Variants in NOTUM observed in about 807,000 individuals in gnomAD.
NOTUM encodes palmitoleoyl-protein carboxylesterase NOTUM.
Under a neutral mutation model 65.5 loss-of-function variants are expected in NOTUM, and 36 were observed. The ratio of observed to expected loss-of-function variants is 0.55; its 90% CI spans 0.42 to 0.73. NOTUM has a LOEUF of 0.73. NOTUM is among the 30% of genes least tolerant of loss of function. NOTUM has a pLI of 0.00. For synonymous variants in NOTUM, 356 were observed against 297.9 expected (o/e 1.20, Z -2.01); for missense variants, 659 against 694.2 (o/e 0.95, Z 0.57).
chr17:81,958,615 G>A (rs2041450982), intron 4 of NOTUM, among the ~76,000 whole-genome samples: 1 of 149,494 alleles, frequency 6.7e-6, no homozygotes, highest in African/African-American at 2.5e-5. Context: ...ACCAACTCAG[G>A]ACAGGACCCC....
At chr17:81,959,993 G>A (rs972346897) in intron 1 of NOTUM, among the ~76,000 whole-genome samples, 8 of 151,888 alleles carry the variant, frequency 5.3e-5, no homozygotes, top group African/African-American at 1.9e-4. Context: ...GCGCGCGGCG[G>A]CGCTTGAAGC....
In NOTUM at chr17:81,957,167, G is replaced by A. The variant is rs2041439949; in HGVS notation, c.696-93C>T. On this transcript the variant is annotated intron_variant, in intron 6 of 10. Transcript: ENST00000409678. ...AGCGTCAGCCCGTGCCCCGAGGGGGGCAGGAGTCCTGATGCGTTCTGAACT... is the reference window on the plus strand; with the variant it reads ...AGCGTCAGCCCGTGCCCCGAGGGGGACAGGAGTCCTGATGCGTTCTGAACT... 7 of 1,044,070 alleles carry A rather than the reference G, an allele frequency of 6.7e-6. No individual in the cohort carries two copies. In the Admixed American group the frequency reaches 1.4e-4, roughly 21 times the overall value. The allele number at this position is 1,044,070 out of a possible 1,614,324, so 64.7% of individuals were successfully genotyped here.
In NOTUM at chr17:81,959,632, G is replaced by A. The variant is rs1181144805; in HGVS notation, c.376+8C>T. ...CCCGGCCTCCCCCCGCCTCAGCCCT[G>A]GACGCACCTTCCAGGAAGAGGAGCC... is the stretch of plus-strand genomic sequence containing the variant. On this transcript the variant is annotated splice_region_variant and intron_variant, in intron 2 of 10. Transcript: ENST00000409678. 1.2e-5 allele frequency: 19 copies of A among 1,545,072 alleles called. No homozygotes were observed. Among genetic ancestry groups the A allele is most frequent in the Non-Finnish European group, 1.7e-5 (19 of 1,145,070 alleles).
Position 81,958,996 on chromosome 17 carries a change from C to T in NOTUM, c.473-1G>A, listed in dbSNP as rs2143947752. ...GGCTGTGAGGACAGGATCCCTGTGC[C>T]TGGGGACACAGAGGCGGTGGGTCTT... On this transcript the variant is annotated splice_acceptor_variant, in intron 3 of 10. Coordinates refer to ENST00000409678, the MANE Select transcript of NOTUM (RefSeq NM_178493.6). LOFTEE classifies it high-confidence loss of function. The T allele has an allele frequency of 1.2e-6, 2 of 1,612,748 alleles. No individual in the cohort carries two copies. Among genetic ancestry groups the T allele is most frequent in the Admixed American group, 1.7e-5 (1 of 60,018 alleles).
Position 81,960,846 on chromosome 17 carries a change from C to G in NOTUM, c.64G>C (p.Gly22Arg), listed in dbSNP as rs1478352348. Reference sequence around the variant, plus strand: ...CCCCGGCGCCGCCAGGTCTTCCTGCCCTCGCTGCCCCCGGCGCAGTGCAGC... The same window carrying G: ...CCCCGGCGCCGCCAGGTCTTCCTGCGCTCGCTGCCCCCGGCGCAGTGCAGC... ...SLLHCAGGSE[G>R]RKTWRRRGQQ... Residue 22 changes from glycine (G) to arginine (R), a missense_variant, in exon 1 of 11, where the codon GGC becomes CGC. Coordinates refer to ENST00000409678, the MANE Select transcript of NOTUM (RefSeq NM_178493.6). This position sits in a 1 kb window ranked among gnomAD's most constrained non-coding sequence, Gnocchi z 6.4. 6.7e-7 allele frequency: 1 copy of G among 1,499,378 alleles called. No individual in the cohort carries two copies. The highest frequency in any genetic ancestry group is 8.9e-7 in the Non-Finnish European group (1 of 1,128,450). 92.9% of individuals were successfully genotyped at this position (1,499,378 alleles called of 1,614,324 possible).
Position 81,960,493 on chromosome 17 carries a change from C to T in NOTUM, c.323+94G>A. ...GGGGCGCCCGACGGAAGCCCTTTCT[C>T]CCCGGGGAGAGAACGGCCGCGGCCC... is the stretch of plus-strand genomic sequence containing the variant. On this transcript the variant is annotated intron_variant, in intron 1 of 10. Coordinates refer to ENST00000409678, the MANE Select transcript of NOTUM (RefSeq NM_178493.6). This position sits in a 1 kb window ranked among gnomAD's most constrained non-coding sequence, Gnocchi z 6.4. 3 of 920,402 alleles carry T rather than the reference C, an allele frequency of 3.3e-6. No homozygotes were observed. The highest frequency in any genetic ancestry group is 4.6e-6 in the Non-Finnish European group (3 of 646,926). The allele number at this position is 920,402 out of a possible 1,614,324, so 57.0% of individuals were successfully genotyped here.
chr17:81,956,663 G>A lies in NOTUM; in HGVS notation c.975C>T (p.Tyr325=). The change falls in exon 8 of 11, where the codon TAC becomes TAT. Residue 325 remains tyrosine, a synonymous_variant. Coordinates refer to ENST00000409678, the MANE Select transcript of NOTUM (RefSeq NM_178493.6). ...CCGCCCACTCACAGCGCAGGGTCGG[G>A]TAGACCTTGTAGCCAAAGAAGCAGT... is the stretch of plus-strand genomic sequence containing the variant. ...EWNCFFGYKV[Y]PTLRCPVFVV... is the part of the protein sequence containing the mutation. The A allele has an allele frequency of 2.5e-6, 4 of 1,611,528 alleles. No homozygotes were observed. Among genetic ancestry groups the A allele is most frequent in the Non-Finnish European group, 3.4e-6 (4 of 1,178,606 alleles).
chr17:81,961,144 G>C lies in NOTUM; in HGVS notation c.-235C>G, dbSNP rs1217169825. The C allele has an allele frequency of 6.7e-6, 1 of 150,096 alleles. No homozygotes were observed. Among genetic ancestry groups the C allele is most frequent in the Non-Finnish European group, 1.5e-5 (1 of 68,038 alleles). The allele number at this position is 150,096 out of a possible 1,614,324, so 9.3% of individuals were successfully genotyped here. A position where few individuals can be genotyped will look rare whatever the true frequency, so the allele number is the denominator to read the frequency against. On this transcript the variant is annotated 5_prime_UTR_variant, in exon 1 of 11. Transcript: ENST00000409678. ...TGGGGCTCCGCGCCCGGCCGTCCGA[G>C]GGCAGCGCAGGGTCTGGGTGCGCTG...
intron 1 of NOTUM, chr17:81,959,903 C>T (rs2041461352): frequency 1.0e-5 from 2 of 194,180 alleles, no homozygotes; most frequent in Non-Finnish European, 1.0e-5. Context: ...CCGCGCGGGG[C>T]TGTGGTCCGT....
At position 81,960,939 on chromosome 17, in the gene NOTUM, C is replaced by T. The variant is rs933667713; in HGVS notation, c.-30G>A. ...GCGTCCACCTGCGGGGAGCGGGCGG[C>T]CTTGAGGCGGCGGCGGCGGCGGCGG... On this transcript the variant is annotated 5_prime_UTR_variant, in exon 1 of 11. Transcript: ENST00000409678. The surrounding 1 kb of genome is among the most constrained non-coding windows in gnomAD (Gnocchi z 6.4). The T allele has an allele frequency of 2.5e-6, 3 of 1,198,856 alleles. No homozygotes were observed. The African/African-American group carries it at 4.8e-5, about 19-fold the overall frequency. 74.3% of individuals were successfully genotyped at this position (1,198,856 alleles called of 1,614,324 possible). A position where few individuals can be genotyped will look rare whatever the true frequency, so the allele number is the denominator to read the frequency against.
chr17:81,958,925 GC>G lies in NOTUM; in HGVS notation c.533+9del. 1 of 1,608,916 alleles carries G rather than the reference GC, an allele frequency of 6.2e-7. No individual in the cohort carries two copies. On this transcript the variant is annotated intron_variant, in intron 4 of 10. Transcript: ENST00000409678. ...GCAGGACTCCCAGGCAAGACCCTGT[GC>G]CCCCTTACACCATGTTTGCGTTCCA...
Position 81,953,254 on chromosome 17 carries a change from C to A in NOTUM, c.1198G>T (p.Val400Phe). ...GGCAGCGACGTCCCCTTCACCTGGACATCCGTCCAGTGGCTGCAGAGGAAA... is the reference window on the plus strand; with the variant it reads ...GGCAGCGACGTCCCCTTCACCTGGAAATCCGTCCAGTGGCTGCAGAGGAAA... Reference protein sequence around the residue: ...EIIIRSHWTDVQVKGTSLPRA... With the variant: ...EIIIRSHWTDFQVKGTSLPRA... The change falls in exon 11 of 11, where the codon GTC becomes TTC. Residue 400 changes from valine (V) to phenylalanine (F), a missense_variant. Val to Phe is a conservative substitution (Grantham distance 50, BLOSUM62 -1). Coordinates refer to ENST00000409678, the MANE Select transcript of NOTUM (RefSeq NM_178493.6). 1 of 1,607,754 alleles carries A rather than the reference C, an allele frequency of 6.2e-7. No individual in the cohort carries two copies. The highest frequency in any genetic ancestry group is 8.5e-7 in the Non-Finnish European group (1 of 1,178,060).
chr17:81,955,730 GC>G (rs1206273716), intron 8 of NOTUM, among the ~76,000 whole-genome samples, 186 bp from the exon 9 acceptor site: 2 of 90,584 alleles, frequency 2.2e-5, no homozygotes, highest in East Asian at 3.2e-4. Flanking sequence ...CCCCTGCAGT[GC>G]CCCCCACCCC....
chr17:81,958,904 G>A, intron 4 of NOTUM, 31 bp downstream of exon 4: 1 of 1,569,106 alleles, frequency 6.4e-7, no homozygotes, highest in Non-Finnish European at 8.8e-7. Flanking sequence ...CTCCAGGCAG[G>A]ACTCCCAGGC....
chr17:81,955,483 G>A lies in NOTUM; in HGVS notation c.1050C>T (p.His350=), dbSNP rs1056471004. 6.2e-7 allele frequency: 1 copy of A among 1,611,276 alleles called. No individual in the cohort carries two copies. The highest frequency in any genetic ancestry group is 1.3e-5 in the African/African-American group (1 of 74,948). The change falls in exon 9 of 11, where the codon CAC becomes CAT. Residue 350 remains histidine (H), a synonymous_variant. Transcript: ENST00000409678. The part of the protein sequence containing the change: ...DEAQLTVDNV[H]LTGQPVQEGL... ...CCTCCTGCACCGGCTGCCCCGTCAG[G>A]TGCACGTTGTCCACCGTCAGCTGTG...
intron 8 of NOTUM, 128 bp from the exon 9 acceptor site, chr17:81,955,672 G>A: frequency 2.7e-6 from 2 of 735,858 alleles, no homozygotes. Context: ...GCACCCCCAG[G>A]CCCCTGCAGT....
chr17:81,959,791 G>A, intron 1 of NOTUM, 99 bp from the exon 2 acceptor site: 2 of 649,052 alleles, frequency 3.1e-6, no homozygotes, highest in Non-Finnish European at 4.3e-6. Flanking sequence ...ACCTGTTCCG[G>A]CCGCGCGCGA....
rs757099171 is a variant in NOTUM at position 81,957,889 on chromosome 17, G to C, written c.612C>G (p.Gly204=). ...KSEKNEYAFM[G]ALIIQEVVRE... ...GCACCACCTCCTGGATGATGAGGGC[G>C]CCCATGAAGGCGTACTCGTCTGCAA... Residue 204 remains glycine (G), a synonymous_variant, in exon 6 of 11, where the codon GGC becomes GGG. Transcript: ENST00000409678. 4 of 1,604,220 alleles carry C rather than the reference G, an allele frequency of 2.5e-6. No individual in the cohort carries two copies. In the East Asian group the frequency reaches 9.0e-5, roughly 36 times the overall value.
chr17:81,960,930 A>T lies in NOTUM; in HGVS notation c.-21T>A. On this transcript the variant is annotated 5_prime_UTR_variant, in exon 1 of 11. Coordinates refer to ENST00000409678, the MANE Select transcript of NOTUM (RefSeq NM_178493.6). This position sits in a 1 kb window ranked among gnomAD's most constrained non-coding sequence, Gnocchi z 6.4. ...CCCATGGCCGCGTCCACCTGCGGGGAGCGGGCGGCCTTGAGGCGGCGGCGG... is the reference window on the plus strand; with the variant it reads ...CCCATGGCCGCGTCCACCTGCGGGGTGCGGGCGGCCTTGAGGCGGCGGCGG... 1 of 1,215,758 alleles carries T rather than the reference A, an allele frequency of 8.2e-7. No homozygotes were observed. The highest frequency in any genetic ancestry group is 3.3e-5 in the East Asian group (1 of 30,096). 75.3% of individuals were successfully genotyped at this position (1,215,758 alleles called of 1,614,324 possible). A position where few individuals can be genotyped will look rare whatever the true frequency, so the allele number is the denominator to read the frequency against.
Sources: gnomAD v4.1 joint callset for allele counts (sites outside exome capture counted in the v4.1 genomes callset) on GRCh38, gnomAD v4.1.1 for gene constraint, Gnocchi (gnomAD v3.1) non-coding constraint, MANE v1.5 for transcripts, NCBI Gene and HGNC (gene_info 2026-07-23, HGNC 2026-07-21) for gene names.